PRELID2: variants seen among roughly 807,000 people sequenced by gnomAD.
The protein encoded by PRELID2 is PRELI domain containing 2, also known as PRELI domain-containing protein 2.
In PRELID2, 25 loss-of-function variants were observed where a neutral mutation model predicts 28.4. The observed-to-expected ratio is 0.88, with a 90% CI of 0.64 to 1.23. The LOEUF (loss-of-function observed/expected upper bound fraction) is 1.23. Among genes scored for constraint, PRELID2 ranks in the 50% most tolerant of loss-of-function variants. The pLI, the probability that PRELID2 is intolerant of heterozygous loss-of-function variation, is 0.00. For synonymous variants in PRELID2, 76 were observed against 71.6 expected (o/e 1.06, Z -0.31); for missense variants, 201 against 214.4 (o/e 0.94, Z 0.39).
At chr5:145,752,097 C>A (rs939712607), downstream of PRELID2, among the ~76,000 whole-genome samples, 1 of 152,090 alleles carries the variant, frequency 6.6e-6, no homozygotes, top group Admixed American at 6.6e-5. Context: ...TGCAATACCC[C>A]CCAGAAGGAG....
At chr5:145,587,388 T>C (rs60762736) in intron 1 of PRELID2, among the ~76,000 whole-genome samples, 5,303 of 152,250 alleles carry the variant, frequency 0.035, 283 homozygotes, top group African/African-American at 0.12. Context: ...GGATGTTTTA[T>C]ACATCAGCAA....
intron 1 of PRELID2, among the ~76,000 whole-genome samples, chr5:145,508,217 T>C (rs1467489333): frequency 6.6e-6 from 1 of 151,962 alleles, no homozygotes; most frequent in Admixed American, 6.6e-5. Flanking sequence ...GCTGAAAAAA[T>C]CAATTTCAAG....
At chr5:145,725,364 G>A (rs1415890930) in intron 1 of PRELID2, among the ~76,000 whole-genome samples, 2 of 152,174 alleles carry the variant, frequency 1.3e-5, no homozygotes, top group East Asian at 3.9e-4. Flanking sequence ...ATGTAGGGAT[G>A]TAAACCTTTA....
intron 1 of PRELID2, among the ~76,000 whole-genome samples, chr5:145,595,400 A>T (rs1753291090): frequency 6.6e-6 from 1 of 152,154 alleles, no homozygotes; most frequent in Admixed American, 6.5e-5. Flanking sequence ...GTTTGGAAGC[A>T]CCAAATCAAA....
chr5:145,420,457 A>C, the PRELID2 span, among the ~76,000 whole-genome samples: 1 of 149,228 alleles, frequency 6.7e-6, no homozygotes, highest in African/African-American at 2.5e-5. Context: ...CATCCCTTGT[A>C]AGTTGGATTC....
At chr5:145,355,156 T>C in the PRELID2 span, among the ~76,000 whole-genome samples, 9 of 152,132 alleles carry the variant, frequency 5.9e-5, no homozygotes, top group African/African-American at 2.2e-4. Context: ...TAATGGTATT[T>C]TTCTTAAAAA....
intron 6 of PRELID2, among the ~76,000 whole-genome samples, chr5:145,764,195 C>A (rs777086030): frequency 1.3e-5 from 2 of 152,188 alleles, no homozygotes; most frequent in Admixed American, 6.5e-5. Flanking sequence ...AATAACTCTG[C>A]CCTGCCCTTT....
chr5:145,558,385 C>T (rs1001931735), intron 1 of PRELID2, among the ~76,000 whole-genome samples: 8 of 152,330 alleles, frequency 5.3e-5, no homozygotes, highest in African/African-American at 1.7e-4. Context: ...GACAGATACA[C>T]ATATGTGCAT....
At chr5:145,491,745 T>C (rs956469146) in intron 1 of PRELID2, among the ~76,000 whole-genome samples, 1 of 152,148 alleles carries the variant, frequency 6.6e-6, no homozygotes, top group Non-Finnish European at 1.5e-5. Context: ...TTCTATTTTC[T>C]ACTTCTATGA....
At chr5:145,399,630 T>A in the PRELID2 span, among the ~76,000 whole-genome samples, 1 of 152,214 alleles carries the variant, frequency 6.6e-6, no homozygotes, top group Non-Finnish European at 1.5e-5. Flanking sequence ...TACAGAGATC[T>A]TTTTCCCTCT....
At chr5:145,271,801 G>T in the PRELID2 span, among the ~76,000 whole-genome samples, 1 of 152,032 alleles carries the variant, frequency 6.6e-6, no homozygotes, top group Non-Finnish European at 1.5e-5. Context: ...CAATTCATCC[G>T]CAAGACATAT....
At chr5:145,674,883 C>T (rs766580522) in intron 1 of PRELID2, among the ~76,000 whole-genome samples, 2 of 151,518 alleles carry the variant, frequency 1.3e-5, no homozygotes, top group Admixed American at 6.6e-5. Context: ...TTCAGTGAAC[C>T]ATGATTTCAC....
At chr5:145,817,220 A>AAAAT (rs1554099385) in intron 4 of PRELID2, among the ~76,000 whole-genome samples, 2 of 66,516 alleles carry the variant, frequency 3.0e-5, no homozygotes, top group African/African-American at 4.1e-5. Context: ...AATAAAAAAA[A>AAAAT]ATATATATAT....
chr5:145,236,876 T>G, the PRELID2 span, among the ~76,000 whole-genome samples: 1 of 152,126 alleles, frequency 6.6e-6, no homozygotes, highest in African/African-American at 2.4e-5. Flanking sequence ...TCTGTGGCAC[T>G]TATTTTCCTC....
At chr5:145,639,921 G>A (rs998668959) in intron 1 of PRELID2, among the ~76,000 whole-genome samples, 1 of 152,170 alleles carries the variant, frequency 6.6e-6, no homozygotes, top group Non-Finnish European at 1.5e-5. Context: ...AGTTGAAGCT[G>A]ATGAGAAGTG....
chr5:145,630,717 G>T (rs1753921221), intron 1 of PRELID2, among the ~76,000 whole-genome samples: 1 of 152,138 alleles, frequency 6.6e-6, no homozygotes, highest in Admixed American at 6.6e-5. Flanking sequence ...CATGGGGAAG[G>T]CCTTGGTGGC....
At chr5:145,795,037 C>CA (rs1237659178) in intron 5 of PRELID2, 1 of 151,900 alleles carries the variant, frequency 6.6e-6, no homozygotes, top group African/African-American at 2.4e-5. Context: ...CCCTCCCCCT[C>CA]AAAAAAATCC....
intron 1 of PRELID2, among the ~76,000 whole-genome samples, chr5:145,741,402 A>G (rs1756734283): frequency 9.5e-6 from 1 of 104,986 alleles, no homozygotes; most frequent in Admixed American, 1.2e-4. Context: ...TTATATATAA[A>G]CAAAATTTAT....
chr5:145,405,227 A>T, the PRELID2 span, among the ~76,000 whole-genome samples: 1 of 152,132 alleles, frequency 6.6e-6, no homozygotes, highest in Non-Finnish European at 1.5e-5. Context: ...CAGAAAAGAG[A>T]AAATGTAGCC....
Sources: allele counts gnomAD v4.1 joint callset (sites outside exome capture counted in the v4.1 genomes callset), GRCh38; gene constraint gnomAD v4.1.1; transcripts MANE v1.5; gene names NCBI Gene and HGNC (gene_info 2026-07-23, HGNC 2026-07-21).